Variants in KRR1 observed in about 807,000 individuals in gnomAD.
KRR1 encodes KRR1 small subunit processome component homolog.
In KRR1, 23 loss-of-function variants were observed where a neutral mutation model predicts 50.0. The observed-to-expected ratio is 0.46, with a 90% CI of 0.33 to 0.65. The LOEUF is 0.65. Ranked by LOEUF, KRR1 falls within the 30% of genes least tolerant of loss-of-function variation. KRR1 has a pLI of 0.02. For missense variants in KRR1, 419 were observed against 442.4 expected (o/e 0.95, Z 0.47); for synonymous variants, 133 against 146.3 (o/e 0.91, Z 0.66).
intron 7 of KRR1, chr12:75,503,096 G>A (rs1027513045): frequency 6.6e-6 from 1 of 152,118 alleles, no homozygotes; most frequent in African/African-American, 2.4e-5. Context: ...GAACCCCCAG[G>A]AGACAGGTGA....
chr12:75,498,176 G>C lies in KRR1; in HGVS notation c.*1633C>G, dbSNP rs2046363346. ...GGAATTTATTTCTTCCCAGTGCTCT[G>C]ATTGTCAAAATTTGAATAAAGCTCA... On this transcript the variant is annotated 3_prime_UTR_variant, in exon 10 of 10. Transcript: ENST00000229214. The C allele has an allele frequency of 6.6e-6, 1 of 152,340 alleles. No homozygotes were observed. The highest frequency in any genetic ancestry group is 1.5e-5 in the Non-Finnish European group (1 of 68,194). The allele number at this position is 152,340 out of a possible 1,614,324, so 9.4% of individuals were successfully genotyped here. A position where few individuals can be genotyped will look rare whatever the true frequency, so the allele number is the denominator to read the frequency against.
chr12:75,501,821 A>G lies in KRR1; in HGVS notation c.910-5T>C, dbSNP rs943059815. The G allele has an allele frequency of 1.9e-6, 3 of 1,592,216 alleles. No homozygotes were observed. Among genetic ancestry groups the G allele is most frequent in the African/African-American group, 2.7e-5 (2 of 73,996 alleles). ...GATGGCTTCTGCTTGTTTAGCCTAC[A>G]TTAATAAATAAAAAATATATCAGTT... On this transcript the variant is annotated splice_polypyrimidine_tract_variant and splice_region_variant and intron_variant, in intron 8 of 9. Transcript: ENST00000229214.
Position 75,498,753 on chromosome 12 carries a change from G to T in KRR1, c.*1056C>A. 1 of 1,608,966 alleles carries T rather than the reference G, an allele frequency of 6.2e-7. No individual in the cohort carries two copies. The highest frequency in any genetic ancestry group is 8.5e-7 in the Non-Finnish European group (1 of 1,176,046). On this transcript the variant is annotated 3_prime_UTR_variant, in exon 10 of 10. Coordinates refer to ENST00000229214, the MANE Select transcript of KRR1 (RefSeq NM_007043.7). ...CATCAATCTTAAATTGTTTCATTAAGAGCTATGTGAATTCTGTCAGTGCAT... is the reference window on the plus strand; with the variant it reads ...CATCAATCTTAAATTGTTTCATTAATAGCTATGTGAATTCTGTCAGTGCAT...
intron 1 of KRR1, among the ~76,000 whole-genome samples, chr12:75,510,268 C>G (rs2046440858): frequency 6.6e-6 from 1 of 152,254 alleles, no homozygotes; most frequent in South Asian, 2.1e-4. Context: ...TTCAGTGATT[C>G]CAATCCTATG....
rs2120569623 is a variant in KRR1, at chr12:75,497,642, G to A, written c.*2167C>T. 1 of 152,290 alleles carries A rather than the reference G, an allele frequency of 6.6e-6. No homozygotes were observed. Among genetic ancestry groups the A allele is most frequent in the South Asian group, 2.1e-4 (1 of 4,830 alleles). 9.4% of individuals were successfully genotyped at this position (152,290 alleles called of 1,614,324 possible). A position where few individuals can be genotyped will look rare whatever the true frequency, so the allele number is the denominator to read the frequency against. Reference sequence around the variant, plus strand: ...TAAGGTCTGATGAAGGTAAAGGTTAGAGGATAAAAGCTTTTATTTAACAGA... The same window carrying A: ...TAAGGTCTGATGAAGGTAAAGGTTAAAGGATAAAAGCTTTTATTTAACAGA... On this transcript the variant is annotated 3_prime_UTR_variant, in exon 10 of 10. Transcript: ENST00000229214.
intron 5 of KRR1, among the ~76,000 whole-genome samples, chr12:75,505,859 G>C (rs1319086495): frequency 1.3e-5 from 2 of 152,060 alleles, no homozygotes; most frequent in African/African-American, 4.8e-5. Flanking sequence ...TTCATGAAAA[G>C]TTATTAAACA....
In KRR1 at chr12:75,506,473, T is replaced by C. The variant is rs1268116065; in HGVS notation, c.519+11A>G. 1.9e-6 allele frequency: 3 copies of C among 1,605,600 alleles called. No individual in the cohort carries two copies. The highest frequency in any genetic ancestry group is 2.5e-6 in the Non-Finnish European group (3 of 1,178,492). On this transcript the variant is annotated intron_variant, in intron 4 of 9. Transcript: ENST00000229214. ...GGAAGAGACTCAAGTTTTCCACTAATTAAAAAATACCTTCAATGTAGATCC... is the reference window on the plus strand; with the variant it reads ...GGAAGAGACTCAAGTTTTCCACTAACTAAAAAATACCTTCAATGTAGATCC...
In KRR1 at chr12:75,507,827, G is replaced by GA. The variant is rs539391661; in HGVS notation, c.258+446dup. ...ACTAATGGGTTTCAATCCCCAGTTT[G>GA]AAAAAAAAAATGCAGTTATCTAGGG... is the stretch of plus-strand genomic sequence containing the variant. On this transcript the variant is annotated intron_variant, in intron 2 of 9. Transcript: ENST00000229214. Among the ~76,000 whole-genome samples the GA allele has an allele frequency of 5.2e-4, 77 of 147,524 alleles. No homozygotes were observed. The South Asian group carries it at 5.4e-3, about 10-fold the overall frequency.
chr12:75,490,900 C>T lies in KRR1; in HGVS notation c.*8909G>A, dbSNP rs1350911510. On this transcript the variant is annotated 3_prime_UTR_variant, in exon 10 of 10. Coordinates refer to ENST00000229214, the MANE Select transcript of KRR1 (RefSeq NM_007043.7). ...GTTTATTAGAAACTTGGCAATTTTACACAATTTTCAAAGCAAAACAGATTC... is the reference window on the plus strand; with the variant it reads ...GTTTATTAGAAACTTGGCAATTTTATACAATTTTCAAAGCAAAACAGATTC... 6.4e-6 allele frequency: 1 copy of T among 155,226 alleles called. No homozygotes were observed. Among genetic ancestry groups the T allele is most frequent in the Non-Finnish European group, 1.4e-5 (1 of 69,974 alleles). The allele number at this position is 155,226 out of a possible 1,614,324, so 9.6% of individuals were successfully genotyped here. A position where few individuals can be genotyped will look rare whatever the true frequency, so the allele number is the denominator to read the frequency against.
At position 75,497,966 on chromosome 12, in the gene KRR1, T is replaced by C. The variant is rs1392304170; in HGVS notation, c.*1843A>G. The C allele has an allele frequency of 2.0e-5, 3 of 152,120 alleles. No individual in the cohort carries two copies. Among genetic ancestry groups the C allele is most frequent in the Admixed American group, 2.0e-4 (3 of 15,252 alleles). The allele number at this position is 152,120 out of a possible 1,614,324, so 9.4% of individuals were successfully genotyped here. ...ACTGCCAAGAAAAGTGAGGGTAGCA[T>C]ATTTACAGTAATTCACCACAAAGCC... On this transcript the variant is annotated 3_prime_UTR_variant, in exon 10 of 10. Transcript: ENST00000229214.
intron 9 of KRR1, 95 bp downstream of exon 9, chr12:75,501,628 A>C: frequency 3.8e-6 from 3 of 780,806 alleles, no homozygotes; most frequent in Non-Finnish European, 6.3e-6. Context: ...GAACTGATGA[A>C]AAGATACAAC....
In KRR1 at chr12:75,506,372, T is replaced by A; in HGVS notation, c.547A>T (p.Ile183Phe). The change falls in exon 5 of 10, where the codon ATT (isoleucine) becomes TTT (phenylalanine). Residue 183 changes from isoleucine to phenylalanine, a missense_variant. Physicochemically the swap from Ile to Phe is conservative, Grantham distance 21. Transcript: ENST00000229214. Reference sequence around the variant, plus strand: ...GAAACTGTGTTTCCCTGAACCATAATGTAACAATTAGTTAAGAGTTCCAAT... The same window carrying A: ...GAAACTGTGTTTCCCTGAACCATAAAGTAACAATTAGTTAAGAGTTCCAAT... ...KALELLTNCYIMVQGNTVSAI... is the reference protein window; with the variant it reads ...KALELLTNCYFMVQGNTVSAI... 6.2e-7 allele frequency: 1 copy of A among 1,612,374 alleles called. No homozygotes were observed. Among genetic ancestry groups the A allele is most frequent in the Non-Finnish European group, 8.5e-7 (1 of 1,179,114 alleles).
Position 75,500,190 on chromosome 12 carries a change from A to ACATAAAAATGGCAT in KRR1, c.1004-253_1004-240dup, listed in dbSNP as rs1443940157. ...ATACTTTATATATTAGTACAAGTAT[A>ACATAAAAATGGCAT]CATAAAAATGGCATAAATGGCATAA... On this transcript the variant is annotated intron_variant, in intron 9 of 9. Coordinates refer to ENST00000229214, the MANE Select transcript of KRR1 (RefSeq NM_007043.7). The ACATAAAAATGGCAT allele has an allele frequency of 3.3e-5, 9 of 272,144 alleles. No individual in the cohort carries two copies. The Admixed American group carries it at 4.8e-4, about 14-fold the overall frequency. 16.9% of individuals were successfully genotyped at this position (272,144 alleles called of 1,614,324 possible).
At chr12:75,508,533 T>C (rs141831983) in intron 1 of KRR1, 87 bp from the exon 2 acceptor site, 2 of 939,468 alleles carry the variant, frequency 2.1e-6, no homozygotes. Context: ...GGACACTTTA[T>C]GAACATCCTA....
chr12:75,505,569 T>C (rs1252716782), intron 5 of KRR1, among the ~76,000 whole-genome samples: 24 of 151,952 alleles, frequency 1.6e-4, no homozygotes. Flanking sequence ...AAAATCACTT[T>C]CCTGTTCCAG....
chr12:75,492,690 T>C lies in KRR1; in HGVS notation c.*7119A>G, dbSNP rs2046330121. ...ATTATAAAACTTACAACCAAAGTTA[T>C]AATGCTTCCATAAAGACTAACTTCA... On this transcript the variant is annotated 3_prime_UTR_variant, in exon 10 of 10. Coordinates refer to ENST00000229214, the MANE Select transcript of KRR1 (RefSeq NM_007043.7). 1 of 152,228 alleles carries C rather than the reference T, an allele frequency of 6.6e-6. No individual in the cohort carries two copies. The highest frequency in any genetic ancestry group is 2.1e-4 in the South Asian group (1 of 4,834). 9.4% of individuals were successfully genotyped at this position (152,228 alleles called of 1,614,324 possible).
intron 5 of KRR1, among the ~76,000 whole-genome samples, chr12:75,505,979 T>C (rs2046419851): frequency 6.6e-6 from 1 of 152,126 alleles, no homozygotes; most frequent in African/African-American, 2.4e-5. Context: ...TGCTCAATTT[T>C]CCCGTCATTT....
chr12:75,511,452 GAAAA>G, intron 1 of KRR1, 57 bp downstream of exon 1: 1 of 1,450,742 alleles, frequency 6.9e-7, no homozygotes, highest in Non-Finnish European at 9.7e-7. Context: ...AGGAACGAAA[GAAAA>G]AAACATCGCA....
rs1241930793 is a variant in KRR1, at chr12:75,511,537, G to T, written c.61C>A (p.Gln21Lys). 1 of 1,614,120 alleles carries T rather than the reference G, an allele frequency of 6.2e-7. No homozygotes were observed. The change falls in exon 1 of 10, where the codon CAG (glutamine) becomes AAG (lysine). Residue 21 changes from glutamine to lysine, a missense_variant. By Grantham distance (53) the Gln-to-Lys change is moderately conservative. Coordinates refer to ENST00000229214, the MANE Select transcript of KRR1 (RefSeq NM_007043.7). Reference sequence around the variant, plus strand: ...CCTTGGTTCTCCGGCTTCGGCTTCTGGTTACGAAATTCACTTTTTCCAGCG... The same window carrying T: ...CCTTGGTTCTCCGGCTTCGGCTTCTTGTTACGAAATTCACTTTTTCCAGCG... ...KGAGKSEFRNQKPKPENQDES... is the reference protein window; with the variant it reads ...KGAGKSEFRNKKPKPENQDES...
Sources: allele counts gnomAD v4.1 joint callset (sites outside exome capture counted in the v4.1 genomes callset), GRCh38; gene constraint gnomAD v4.1.1; transcripts MANE v1.5; gene names NCBI Gene and HGNC (gene_info 2026-07-23, HGNC 2026-07-21).